IL16: variants seen among roughly 807,000 people sequenced by gnomAD.
IL16 encodes interleukin 16.
Under a neutral mutation model 110.1 loss-of-function variants are expected in IL16, and 67 were observed. The ratio of observed to expected loss-of-function variants is 0.61; its 90% CI spans 0.50 to 0.75. The LOEUF is 0.75. IL16 is among the 30% of genes least tolerant of loss of function. The pLI is 0.00. For synonymous variants in IL16, 689 were observed against 662.9 expected (o/e 1.04, Z -0.61); for missense variants, 1,545 against 1,655.0 (o/e 0.93, Z 1.15).
At chr15:81,237,491 A>C (rs1408519199) in intron 2 of IL16, among the ~76,000 whole-genome samples, 1 of 152,238 alleles carries the variant, frequency 6.6e-6, no homozygotes, top group African/African-American at 2.4e-5. Context: ...ACATATAAAA[A>C]TGAATTTGTA....
chr15:81,205,187 T>C (rs1477521856), intron 1 of IL16, among the ~76,000 whole-genome samples: 1 of 151,582 alleles, frequency 6.6e-6, no homozygotes, highest in Non-Finnish European at 1.5e-5. Flanking sequence ...GTGCCTGTCA[T>C]CCCAGCTACT....
In IL16 at chr15:81,282,740, C is replaced by G; in HGVS notation, c.1183C>G (p.Leu395Val). 6.2e-7 allele frequency: 1 copy of G among 1,613,474 alleles called. No individual in the cohort carries two copies. Among genetic ancestry groups the G allele is most frequent in the Non-Finnish European group, 8.5e-7 (1 of 1,179,358 alleles). ...HTLSPGSVAHLDGRLRCGDEI... is the reference protein window; with the variant it reads ...HTLSPGSVAHVDGRLRCGDEI... ...GCTGTCACCAGGATCCGTGGCGCAC[C>G]TGGACGGACGTCTCCGGTATGTCCT... Residue 395 changes from leucine (L) to valine (V), a missense_variant, in exon 9 of 19, where the codon CTG becomes GTG. Around this residue, in one of 3 missense-constraint regions of IL16, gnomAD observed 1,185 missense variants for 1,238.8 expected, o/e 0.96. Transcript: ENST00000683961.
At chr15:81,254,191 A>C (rs1298048938) in intron 2 of IL16, among the ~76,000 whole-genome samples, 1 of 152,134 alleles carries the variant, frequency 6.6e-6, no homozygotes, top group Admixed American at 6.5e-5. Context: ...CAGTCAGCCA[A>C]CTCCAGAAGC....
chr15:81,213,337 T>C (rs1447100380), intron 1 of IL16, among the ~76,000 whole-genome samples: 1 of 152,212 alleles, frequency 6.6e-6, no homozygotes, highest in Non-Finnish European at 1.5e-5. Context: ...ATATGTTTCA[T>C]GTGCAGATGA....
At chr15:81,283,674 A>G (rs536163417) in intron 9 of IL16, among the ~76,000 whole-genome samples, 1 of 152,330 alleles carries the variant, frequency 6.6e-6, no homozygotes, top group East Asian at 1.9e-4. Flanking sequence ...GATGAGGTTA[A>G]TCTATGAATT....
chr15:81,302,813 G>A (rs939165699), intron 15 of IL16, among the ~76,000 whole-genome samples: 10 of 152,188 alleles, frequency 6.6e-5, no homozygotes, highest in Admixed American at 2.0e-4. Flanking sequence ...GTATGCCTAC[G>A]TAGAGCTGAC....
rs756258232 is a variant in IL16, at chr15:81,259,922, TG to T, written c.421+43del. 1.9e-5 allele frequency: 24 copies of T among 1,238,634 alleles called. No individual in the cohort carries two copies. The South Asian group carries it at 2.9e-4, about 15-fold the overall frequency. 76.7% of individuals were successfully genotyped at this position (1,238,634 alleles called of 1,614,324 possible). Reference sequence around the variant, plus strand: ...CATGTCTTCAGGAACAGAGCTCAGCTGTTCCTGGATAGCAGGACTATTGGGA... The same window carrying T: ...CATGTCTTCAGGAACAGAGCTCAGCTTTCCTGGATAGCAGGACTATTGGGA... On this transcript the variant is annotated intron_variant, in intron 3 of 18. Transcript: ENST00000683961.
rs758144645 is a variant in IL16 at position 81,299,526 on chromosome 15, G to A, written c.2200G>A (p.Gly734Ser). Residue 734 changes from glycine (G) to serine (S), a missense_variant, in exon 14 of 19, where the codon GGC becomes AGC. Coordinates refer to ENST00000683961, the MANE Select transcript of IL16 (RefSeq NM_172217.5). ...TAGCCCCATCATGAGTGAGAACCATGGCCACATGCCTCTACAGCCCAATGC... is the reference window on the plus strand; with the variant it reads ...TAGCCCCATCATGAGTGAGAACCATAGCCACATGCCTCTACAGCCCAATGC... ...LFSPIMSENH[G>S]HMPLQPNASL... 1.9e-6 allele frequency: 3 copies of A among 1,614,148 alleles called. No individual in the cohort carries two copies. In the South Asian group the frequency reaches 3.3e-5, roughly 18 times the overall value.
intron 2 of IL16, among the ~76,000 whole-genome samples, chr15:81,248,832 T>C (rs1323823288): frequency 6.6e-6 from 1 of 150,916 alleles, no homozygotes; most frequent in Non-Finnish European, 1.5e-5. Flanking sequence ...GCCGTTCTCC[T>C]GCCTCAGCCT....
rs1450006714 is a variant in IL16, at chr15:81,183,183, G to A, written c.40+287G>A. On this transcript the variant is annotated intron_variant, in intron 1 of 18. Transcript: ENST00000302987. ...AAGGGCAATTGCAGGACCCCCACAGGGGAGGAGAGTGAACCCTGGCCAGGG... is the reference window on the plus strand; with the variant it reads ...AAGGGCAATTGCAGGACCCCCACAGAGGAGGAGAGTGAACCCTGGCCAGGG... Among the ~76,000 whole-genome samples, 7 of 152,328 alleles carry A rather than the reference G, an allele frequency of 4.6e-5. No individual in the cohort carries two copies. The South Asian group carries it at 1.4e-3, about 32-fold the overall frequency.
intron 2 of IL16, among the ~76,000 whole-genome samples, chr15:81,232,050 T>G (rs11630636): frequency 0.069 from 8,024 of 115,550 alleles, 56 homozygotes; most frequent in Non-Finnish European, 0.086. Flanking sequence ...TTGTTTTTTT[T>G]TTTTTTTTTT....
chr15:81,278,856 G>A lies in IL16; in HGVS notation c.830G>A (p.Gly277Glu), dbSNP rs573796327. The change falls in exon 7 of 19, where the codon GGA (glycine) becomes GAA (glutamate). Residue 277 changes from glycine (G) to glutamate (E), a missense_variant. By Grantham distance (98) the Gly-to-Glu change is moderately conservative (BLOSUM62 -2). Around this residue, in one of 3 missense-constraint regions of IL16, gnomAD observed 1,185 missense variants for 1,238.8 expected, o/e 0.96. Transcript: ENST00000683961. ...GAGCTCAATGGTGAATCAATGGCTG[G>A]ACTAACACATCAGGATGCTTTGCAG... ...ILELNGESMA[G>E]LTHQDALQKF... 3.7e-4 allele frequency: 592 copies of A among 1,613,480 alleles called. 7 individuals carry two copies. In the South Asian group the frequency reaches 6.1e-3, roughly 17 times the overall value.
At chr15:81,294,958 CTG>C (rs757858618) in intron 12 of IL16, among the ~76,000 whole-genome samples, 1 of 152,164 alleles carries the variant, frequency 6.6e-6, no homozygotes, top group Non-Finnish European at 1.5e-5. Flanking sequence ...GGTCCCAAGA[CTG>C]TTGTCAAGCT....
At chr15:81,196,836 G>A (rs921615304), upstream of IL16, 5 of 1,125,692 alleles carry the variant, frequency 4.4e-6, no homozygotes, top group African/African-American at 1.7e-5. Flanking sequence ...CAGTCAGATG[G>A]CTCAGATCAG....
chr15:81,259,955 C>A, intron 3 of IL16, 75 bp downstream of exon 3: 1 of 927,568 alleles, frequency 1.1e-6, no homozygotes, highest in Non-Finnish European at 1.8e-6. Flanking sequence ...GGGAGGATAG[C>A]GGCTCTCTTC....
intron 1 of IL16, among the ~76,000 whole-genome samples, chr15:81,204,788 T>G (rs1321560127): frequency 6.7e-6 from 1 of 149,856 alleles, no homozygotes; most frequent in Non-Finnish European, 1.5e-5. Flanking sequence ...TGGAAGGCAT[T>G]GGAAGCAGCC....
intron 2 of IL16, among the ~76,000 whole-genome samples, chr15:81,230,480 G>A (rs1896933756): frequency 6.6e-6 from 1 of 152,072 alleles, no homozygotes; most frequent in African/African-American, 2.4e-5. Flanking sequence ...CTGTCCTCTG[G>A]AGATAAAGAA....
At chr15:81,221,694 A>C (rs1896622434) in intron 1 of IL16, among the ~76,000 whole-genome samples, 1 of 151,508 alleles carries the variant, frequency 6.6e-6, no homozygotes. Flanking sequence ...AAAAAAAAAA[A>C]TCCATAATGA....
At chr15:81,269,118 C>G (rs1280057084) in intron 4 of IL16, among the ~76,000 whole-genome samples, 1 of 152,272 alleles carries the variant, frequency 6.6e-6, no homozygotes, top group Non-Finnish European at 1.5e-5. Context: ...TGCCCACCAC[C>G]TCCTGCCTGG....
Sources: allele counts gnomAD v4.1 joint callset (sites outside exome capture counted in the v4.1 genomes callset), GRCh38; gene constraint gnomAD v4.1.1; regional missense constraint gnomAD v4.1.1; transcripts MANE v1.5; gene names NCBI Gene and HGNC (gene_info 2026-07-23, HGNC 2026-07-21).